Variants in PLB1 observed in about 807,000 individuals in gnomAD.
PLB1 encodes the protein phospholipase B1.
In PLB1, 242 loss-of-function variants were observed where a neutral mutation model predicts 227.4. That is an observed-to-expected ratio of 1.06 (90% confidence interval 0.96 to 1.18). The LOEUF is 1.18. Ranked by LOEUF, PLB1 falls within the 50% of genes most tolerant of loss-of-function variation. The pLI, the probability that PLB1 is intolerant of heterozygous loss-of-function variation, is 0.00. For synonymous variants in PLB1, 757 were observed against 682.2 expected (o/e 1.11, Z -1.71); for missense variants, 1,858 against 1,816.3 (o/e 1.02, Z -0.42).
At chr2:28,521,865 T>C (rs1276679357) in intron 4 of PLB1, among the ~76,000 whole-genome samples, 1 of 151,904 alleles carries the variant, frequency 6.6e-6, no homozygotes, top group Non-Finnish European at 1.5e-5. Flanking sequence ...ACCAGGATAC[T>C]CTTTCTCCCC....
intron 7 of PLB1, 43 bp downstream of exon 7, chr2:28,529,450 CT>C (rs1670715000): frequency 1.4e-6 from 2 of 1,468,186 alleles, no homozygotes; most frequent in Non-Finnish European, 9.5e-7. Context: ...TGTGTTCCTA[CT>C]GGTCTTCAAC....
chr2:28,589,582 T>C (rs1196280408), intron 27 of PLB1, 28 bp downstream of exon 27: 3 of 1,611,786 alleles, frequency 1.9e-6, no homozygotes, highest in Non-Finnish European at 1.7e-6. Flanking sequence ...CGTAGAAAAA[T>C]AGAATCCACA....
Position 28,600,798 on chromosome 2 carries a change from C to G in PLB1, c.2475-11C>G. 2 of 1,613,186 alleles carry G rather than the reference C, an allele frequency of 1.2e-6. No homozygotes were observed. Among genetic ancestry groups the G allele is most frequent in the Non-Finnish European group, 1.7e-6 (2 of 1,179,150 alleles). On this transcript the variant is annotated splice_polypyrimidine_tract_variant and intron_variant, in intron 35 of 57. Coordinates refer to ENST00000327757, the MANE Select transcript of PLB1 (RefSeq NM_153021.5). The stretch of plus-strand genomic sequence containing the variant: ...TCCTCAACAGAAGGATGGGTTTTCT[C>G]TCTTTCTCAGGGATCTTATGAGCCA...
intron 17 of PLB1, among the ~76,000 whole-genome samples, chr2:28,556,361 C>T (rs2141326): frequency 0.27 from 40,609 of 151,998 alleles, 5,657 homozygotes; most frequent in East Asian, 0.52. Flanking sequence ...GTGCTTTATC[C>T]ACTGACTTAC....
At chr2:28,615,193 T>C (rs775081474) in intron 44 of PLB1, among the ~76,000 whole-genome samples, 4 of 151,836 alleles carry the variant, frequency 2.6e-5, no homozygotes, top group Non-Finnish European at 4.4e-5. Context: ...GTTGGGTGTA[T>C]TTGGGGAAGA....
chr2:28,580,444 G>C (rs572897109), intron 23 of PLB1, among the ~76,000 whole-genome samples: 1 of 152,334 alleles, frequency 6.6e-6, no homozygotes, highest in Admixed American at 6.5e-5. Flanking sequence ...GCTGGGTGTG[G>C]TGGCTCACAC....
At chr2:28,542,359 G>A (rs866174952) in intron 13 of PLB1, among the ~76,000 whole-genome samples, 8 of 152,280 alleles carry the variant, frequency 5.3e-5, no homozygotes, top group African/African-American at 1.9e-4. Flanking sequence ...AGGCAGGGCA[G>A]CCCAGGGTGC....
Position 28,558,890 on chromosome 2 carries a change from G to C in PLB1, c.1148-4151G>C, listed in dbSNP as rs151236716. 2.7e-4 allele frequency among the ~76,000 whole-genome samples: 41 copies of C among 152,172 alleles called. No individual in the cohort carries two copies. In the East Asian group the frequency reaches 7.3e-3, roughly 27 times the overall value. ...CATACACACAGGAGAAACAACTCTA[G>C]TCTTTTTTTTCTTTTTTATTGAAGG... On this transcript the variant is annotated intron_variant, in intron 17 of 57. Transcript: ENST00000327757.
chr2:28,541,909 G>A (rs1369582582), intron 13 of PLB1, 98 bp downstream of exon 13: 40 of 923,524 alleles, frequency 4.3e-5, no homozygotes, highest in Non-Finnish European at 6.8e-5. Flanking sequence ...GAGGTGGGTG[G>A]ATTACTTGAG....
chr2:28,577,888 C>T (rs1164822577), intron 21 of PLB1, among the ~76,000 whole-genome samples: 4 of 152,174 alleles, frequency 2.6e-5, no homozygotes, highest in Admixed American at 6.5e-5. Flanking sequence ...CCCCCTCCTA[C>T]GTGCAGTGCT....
chr2:28,568,212 T>C (rs1343840488), intron 20 of PLB1, among the ~76,000 whole-genome samples: 1 of 152,234 alleles, frequency 6.6e-6, no homozygotes, highest in Non-Finnish European at 1.5e-5. Context: ...TGCTAGGAGA[T>C]GGTTCAGGGT....
chr2:28,544,760 G>GGCAAAGGGACCTTTGTGA (rs1672992406), intron 14 of PLB1, among the ~76,000 whole-genome samples: 1 of 152,272 alleles, frequency 6.6e-6, no homozygotes, highest in Non-Finnish European at 1.5e-5. Flanking sequence ...GGCGTTCCCA[G>GGCAAAGGGACCTTTGTGA]GCAAAGGGAC....
chr2:28,621,083 C>CAA, intron 49 of PLB1, 105 bp downstream of exon 49: 1 of 886,862 alleles, frequency 1.1e-6, no homozygotes, highest in Non-Finnish European at 1.8e-6. Context: ...GTCCCAGGGG[C>CAA]AATAGCAGCT....
Position 28,585,761 on chromosome 2 carries a change from G to T in PLB1, c.1734G>T (p.Arg578Ser). 2.5e-6 allele frequency: 4 copies of T among 1,603,598 alleles called. No individual in the cohort carries two copies. The highest frequency in any genetic ancestry group is 3.4e-6 in the Non-Finnish European group (4 of 1,170,436). The stretch of plus-strand genomic sequence containing the variant: ...GGTTTCTCTTTGGTTTGGTCTACAG[G>T]TCTCTGTGTCCCTGTGTCCTGAAGT... ...KKVYCPRMIL[R>S]SLCPCVLKFD... The change falls in exon 26 of 58, where the codon AGG becomes AGT. Residue 578 changes from arginine to serine, a missense_variant and splice_region_variant. Coordinates refer to ENST00000327757, the MANE Select transcript of PLB1 (RefSeq NM_153021.5).
Position 28,628,652 on chromosome 2 carries a change from T to G in PLB1, c.3726+24T>G, listed in dbSNP as rs780172944. On this transcript the variant is annotated intron_variant, in intron 52 of 57. Coordinates refer to ENST00000327757, the MANE Select transcript of PLB1 (RefSeq NM_153021.5). ...AGGTAGGAGAGGGGTTACGTGTTCCTGGGTCCCGCCAGCCACCTCCCTGGG... is the reference window on the plus strand; with the variant it reads ...AGGTAGGAGAGGGGTTACGTGTTCCGGGGTCCCGCCAGCCACCTCCCTGGG... 5.6e-6 allele frequency: 9 copies of G among 1,612,196 alleles called. No individual in the cohort carries two copies. The Admixed American group carries it at 1.5e-4, about 27-fold the overall frequency.
intron 26 of PLB1, among the ~76,000 whole-genome samples, chr2:28,588,961 C>T (rs1329647424): frequency 5.9e-5 from 9 of 151,978 alleles, no homozygotes; most frequent in Non-Finnish European, 8.8e-5. Flanking sequence ...GTCAGGAGTT[C>T]GAGACCAGCC....
chr2:28,624,817 C>T (rs1332053121), intron 49 of PLB1, among the ~76,000 whole-genome samples: 1 of 152,114 alleles, frequency 6.6e-6, no homozygotes, highest in African/African-American at 2.4e-5. Flanking sequence ...GGAGGCTTGA[C>T]GGGATCCCAA....
intron 17 of PLB1, 77 bp downstream of exon 17, chr2:28,553,068 C>T: frequency 3.2e-6 from 4 of 1,249,302 alleles, no homozygotes; most frequent in Non-Finnish European, 4.7e-6. Context: ...TCCACATAAC[C>T]TGAAATACTC....
rs1166687010 is a variant in PLB1 at position 28,591,693 on chromosome 2, C to T, written c.2128-7C>T. 2 of 1,613,764 alleles carry T rather than the reference C, an allele frequency of 1.2e-6. No homozygotes were observed. The highest frequency in any genetic ancestry group is 1.7e-6 in the Non-Finnish European group (2 of 1,179,784). Reference sequence around the variant, plus strand: ...CTGAGATTCTGGGATTTGTTCTATGCCCTTAGGGTCATGGGACCTGGCTGC... The same window carrying T: ...CTGAGATTCTGGGATTTGTTCTATGTCCTTAGGGTCATGGGACCTGGCTGC... On this transcript the variant is annotated splice_region_variant and splice_polypyrimidine_tract_variant and intron_variant, in intron 30 of 57. Coordinates refer to ENST00000327757, the MANE Select transcript of PLB1 (RefSeq NM_153021.5).
Sources: allele counts gnomAD v4.1 joint callset (sites outside exome capture counted in the v4.1 genomes callset), GRCh38; gene constraint gnomAD v4.1.1; transcripts MANE v1.5; gene names NCBI Gene and HGNC (gene_info 2026-07-23, HGNC 2026-07-21).